Variants in ARHGAP32 observed in about 807,000 individuals in gnomAD.
The protein encoded by ARHGAP32 is Rho GTPase activating protein 32.
Under a neutral mutation model 186.5 loss-of-function variants are expected in ARHGAP32, and 51 were observed. The ratio of observed to expected loss-of-function variants is 0.27; its 90% confidence interval spans 0.22 to 0.35. The LOEUF (loss-of-function observed/expected upper bound fraction) is 0.35, where lower values mean the gene tolerates loss of function less well. ARHGAP32 is among the 10% of genes least tolerant of loss of function. The probability of loss-of-function intolerance (pLI) is 1.00; values close to 1 mark genes in which losing one functional copy is unlikely to be tolerated. For synonymous variants in ARHGAP32, 950 were observed against 964.3 expected, an observed-to-expected ratio of 0.99 and a Z score of 0.27; for missense variants, 2,186 against 2,623.5, an observed-to-expected ratio of 0.83 and a Z score of 3.64.
chr11:128,996,256 G>A (rs1383129258), intron 12 of ARHGAP32, among the ~76,000 whole-genome samples: 2 of 151,866 alleles, frequency 1.3e-5, no homozygotes, highest in Admixed American at 1.3e-4. Flanking sequence ...ACAGTTTAAT[G>A]TTTGTATCTA....
At chr11:129,262,945 G>GTA (rs1945343824) in intron 1 of ARHGAP32, among the ~76,000 whole-genome samples, 1 of 152,094 alleles carries the variant, frequency 6.6e-6, no homozygotes, top group African/African-American at 2.4e-5. Context: ...ATGAGTACTA[G>GTA]TATATATAGT....
At chr11:129,135,469 G>A (rs1942915615) in intron 2 of ARHGAP32, among the ~76,000 whole-genome samples, 1 of 152,142 alleles carries the variant, frequency 6.6e-6, no homozygotes, top group Non-Finnish European at 1.5e-5. Context: ...ATTTCTATAT[G>A]AATAAAAATG....
rs192226463 is a variant in ARHGAP32, at chr11:129,228,314, A to G, written c.-5+50832T>C. Among the ~76,000 whole-genome samples the G allele has an allele frequency of 1.8e-3, 272 of 152,320 alleles. 1 individual carries two copies. Among genetic ancestry groups the G allele is most frequent in the Non-Finnish European group, 2.6e-3 (180 of 68,026 alleles). On this transcript the variant is annotated intron_variant, in intron 1 of 6. Transcript: ENST00000525234. ...TAACCTAAAATTTAAAAACTGGTAAAAGAACAAACTAAATTCAAAGCAAGC... is the reference window on the plus strand; with the variant it reads ...TAACCTAAAATTTAAAAACTGGTAAGAGAACAAACTAAATTCAAAGCAAGC...
chr11:128,989,963 A>G (rs749457389), intron 12 of ARHGAP32, among the ~76,000 whole-genome samples: 7 of 152,136 alleles, frequency 4.6e-5, no homozygotes, highest in Non-Finnish European at 1.0e-4. Flanking sequence ...GTCAGAGCCA[A>G]TGCTTTTGAC....
intron 1 of ARHGAP32, among the ~76,000 whole-genome samples, chr11:129,228,637 A>G (rs1273103316): frequency 6.6e-6 from 1 of 152,132 alleles, no homozygotes; most frequent in Non-Finnish European, 1.5e-5. Context: ...TGTTCTCACT[A>G]TTAAGTGGGA....
chr11:129,159,318 A>G (rs527393152), intron 2 of ARHGAP32, among the ~76,000 whole-genome samples: 2 of 152,294 alleles, frequency 1.3e-5, no homozygotes, highest in South Asian at 2.1e-4. Context: ...AGATTAATGA[A>G]GAAGAAAAGA....
chr11:128,986,004 T>C lies in ARHGAP32; in HGVS notation c.1525A>G (p.Arg509Gly), dbSNP rs1219248240. 1 of 1,607,200 alleles carries C rather than the reference T, an allele frequency of 6.2e-7. No individual in the cohort carries two copies. Among genetic ancestry groups the C allele is most frequent in the East Asian group, 2.3e-5 (1 of 44,096 alleles). ...TGGTATTTACCCACTGTGGCTGACC[T>C]GTAGTGTGGTGGGGGGAGCTGCTGG... ...VIQQLPPPHYRTLEFLMRHLS... is the reference protein window; with the variant it reads ...VIQQLPPPHYGTLEFLMRHLS... Residue 509 changes from arginine to glycine, a missense_variant and splice_region_variant, in exon 15 of 23, where the codon AGA becomes GGA. Coordinates refer to ENST00000682385, the MANE Select transcript of ARHGAP32 (RefSeq NM_001378024.1).
chr11:129,216,109 C>T (rs1241679315), intron 1 of ARHGAP32, among the ~76,000 whole-genome samples: 2 of 152,096 alleles, frequency 1.3e-5, no homozygotes, highest in East Asian at 1.9e-4. Context: ...CCTGCCCACA[C>T]CTTATTTCAG....
intron 19 of ARHGAP32, 125 bp from the exon 20 acceptor site, chr11:128,976,759 T>A: frequency 1.3e-6 from 1 of 758,946 alleles, no homozygotes; most frequent in Non-Finnish European, 2.3e-6. Context: ...TTGACAGCAA[T>A]TTAGTACTCT....
At chr11:129,036,589 T>G (rs1939351075) in intron 11 of ARHGAP32, among the ~76,000 whole-genome samples, 1 of 152,176 alleles carries the variant, frequency 6.6e-6, no homozygotes, top group Admixed American at 6.5e-5. Context: ...AATTAAATGT[T>G]TGATGTTGAA....
At chr11:129,211,757 T>C (rs947551568) in intron 1 of ARHGAP32, among the ~76,000 whole-genome samples, 2 of 152,220 alleles carry the variant, frequency 1.3e-5, no homozygotes, top group South Asian at 4.1e-4. Flanking sequence ...ATCAGGCATT[T>C]ACATAAGAAA....
At chr11:129,217,984 C>T (rs1565471576) in intron 1 of ARHGAP32, among the ~76,000 whole-genome samples, 1 of 151,994 alleles carries the variant, frequency 6.6e-6, no homozygotes, top group Admixed American at 6.6e-5. Flanking sequence ...GAGAATTAAG[C>T]GTGACAATGT....
intron 15 of ARHGAP32, among the ~76,000 whole-genome samples, chr11:128,983,911 T>A (rs1321345135): frequency 1.3e-5 from 2 of 152,138 alleles, no homozygotes; most frequent in East Asian, 3.9e-4. Flanking sequence ...CAGATGAGAG[T>A]GTGAATTGTA....
chr11:128,991,068 A>T (rs1429035595), intron 12 of ARHGAP32, among the ~76,000 whole-genome samples: 1 of 120,490 alleles, frequency 8.3e-6, no homozygotes, highest in African/African-American at 2.6e-5. Flanking sequence ...TACCATTTAT[A>T]AAAAAAAGTA....
At chr11:129,243,762 T>C (rs1301851365) in intron 1 of ARHGAP32, among the ~76,000 whole-genome samples, 3 of 152,170 alleles carry the variant, frequency 2.0e-5, no homozygotes, top group Non-Finnish European at 4.4e-5. Flanking sequence ...AATGCCATTA[T>C]CAGAATTTTA....
intron 1 of ARHGAP32, among the ~76,000 whole-genome samples, chr11:129,248,256 G>A (rs1246091463): frequency 6.7e-6 from 1 of 150,280 alleles, no homozygotes; most frequent in Non-Finnish European, 1.5e-5. Flanking sequence ...ATCTGATCCA[G>A]CCTATCTGAC....
chr11:129,223,622 T>C (rs1420421654), intron 1 of ARHGAP32, among the ~76,000 whole-genome samples: 1 of 152,210 alleles, frequency 6.6e-6, no homozygotes, highest in East Asian at 1.9e-4. Flanking sequence ...TCACTAACCT[T>C]TTAAAAATCT....
Position 128,970,348 on chromosome 11 carries a change from T to C in ARHGAP32, c.4865A>G (p.Asp1622Gly). 1 of 1,614,080 alleles carries C rather than the reference T, an allele frequency of 6.2e-7. No homozygotes were observed. Among genetic ancestry groups the C allele is most frequent in the Non-Finnish European group, 8.5e-7 (1 of 1,180,004 alleles). Residue 1622 changes from aspartate to glycine, a missense_variant, in exon 23 of 23, where the codon GAT becomes GGT. Asp to Gly is a moderately conservative substitution (Grantham distance 94, BLOSUM62 -1). This residue lies in a region of ARHGAP32 where 1,502 missense variants were observed against 1,570.0 expected (regional missense o/e 0.96). Coordinates refer to ENST00000682385, the MANE Select transcript of ARHGAP32 (RefSeq NM_001378024.1). The surrounding 1 kb of genome is among the most constrained non-coding windows in gnomAD (Gnocchi z 5.8). ...AGGTCTTGGGCAGTAGGCTGGCTCATCATCTGGGGGAACTTCTGTCCGTGA... is the reference window on the plus strand; with the variant it reads ...AGGTCTTGGGCAGTAGGCTGGCTCACCATCTGGGGGAACTTCTGTCCGTGA... ...PISRTEVPPD[D>G]EPAYCPRPLY...
intron 10 of ARHGAP32, among the ~76,000 whole-genome samples, chr11:129,057,399 G>A (rs919499189): frequency 6.6e-6 from 1 of 152,054 alleles, no homozygotes; most frequent in African/African-American, 2.4e-5. Context: ...GAGTCCCTCA[G>A]GTGCCTTCAG....
Sources: allele counts gnomAD v4.1 joint callset (sites outside exome capture counted in the v4.1 genomes callset), GRCh38; gene constraint gnomAD v4.1.1; regional missense constraint gnomAD v4.1.1; non-coding constraint Gnocchi (gnomAD v3.1); transcripts MANE v1.5; gene names NCBI Gene and HGNC (gene_info 2026-07-23, HGNC 2026-07-21).